Variants in KCMF1 observed in about 807,000 individuals in gnomAD.
KCMF1 encodes potassium channel modulatory factor 1.
KCMF1 carries 3 observed loss-of-function variants against 41.1 expected under a neutral mutation model. That is an observed-to-expected ratio of 0.07 (90% CI 0.03 to 0.19). The LOEUF is 0.19. Among genes scored for constraint, KCMF1 ranks in the 10% least tolerant of loss-of-function variants. The pLI is 1.00. For synonymous variants in KCMF1, 142 were observed against 164.5 expected (o/e 0.86, Z 1.04); for missense variants, 286 against 488.9 (o/e 0.58, Z 3.91).
intron 1 of KCMF1, among the ~76,000 whole-genome samples, chr2:84,993,741 A>AT (rs1674104014): frequency 6.6e-6 from 1 of 150,384 alleles, no homozygotes; most frequent in Non-Finnish European, 1.5e-5. Flanking sequence ...GTGCCTGGCT[A>AT]TTTTTTGTAT....
At chr2:85,018,106 A>G (rs1229549770) in intron 1 of KCMF1, among the ~76,000 whole-genome samples, 1 of 152,142 alleles carries the variant, frequency 6.6e-6, no homozygotes, top group African/African-American at 2.4e-5. Context: ...AAAGGGGTTA[A>G]ACTGTATGTC....
intron 1 of KCMF1, among the ~76,000 whole-genome samples, chr2:85,006,585 C>T (rs1674478329): frequency 6.6e-6 from 1 of 151,662 alleles, no homozygotes. Flanking sequence ...AGGCGTGAGC[C>T]ACCGCGCCCG....
At chr2:84,974,691 ATTTTTTTTTTTTTTT>A (rs869056943) in intron 1 of KCMF1, among the ~76,000 whole-genome samples, 1 of 14,688 alleles carries the variant, frequency 6.8e-5, no homozygotes, top group African/African-American at 2.3e-4. Flanking sequence ...ATATATATAT[ATTTTTTTTTTTTTTT>A]TTTTTTTTTT....
At chr2:85,020,819 G>C (rs1262724924) in intron 1 of KCMF1, among the ~76,000 whole-genome samples, 2 of 152,110 alleles carry the variant, frequency 1.3e-5, no homozygotes, top group African/African-American at 2.4e-5. Flanking sequence ...TGCCCACGCT[G>C]TCCTTCACTG....
intron 1 of KCMF1, among the ~76,000 whole-genome samples, chr2:84,993,765 A>G (rs1339566089): frequency 3.3e-5 from 5 of 151,394 alleles, no homozygotes; most frequent in African/African-American, 7.3e-5. Context: ...TAGTAGAGAC[A>G]GGGTTTCATC....
chr2:84,982,002 C>T (rs1205304504), intron 1 of KCMF1, among the ~76,000 whole-genome samples: 11 of 152,060 alleles, frequency 7.2e-5, no homozygotes, highest in South Asian at 4.1e-4. Context: ...AGGCTGGTCT[C>T]GAACCTCTGA....
At chr2:84,972,191 C>A (rs139883905) in intron 1 of KCMF1, 20 of 152,306 alleles carry the variant, frequency 1.3e-4, no homozygotes, top group African/African-American at 4.6e-4. Context: ...GCCCTGGTGC[C>A]CTCGCCGGCA....
At chr2:85,006,331 C>T (rs1326370718) in intron 1 of KCMF1, among the ~76,000 whole-genome samples, 3 of 123,390 alleles carry the variant, frequency 2.4e-5, no homozygotes, top group Admixed American at 1.0e-4. Flanking sequence ...GATGGAGTCT[C>T]GCACTCTCAC....
At chr2:85,026,136 G>A (rs530992123) in intron 1 of KCMF1, among the ~76,000 whole-genome samples, 58 of 151,886 alleles carry the variant, frequency 3.8e-4, no homozygotes, top group African/African-American at 1.0e-3. Flanking sequence ...GATTACAGGC[G>A]CCCACCACCA....
chr2:84,975,254 T>C (rs1574000240), intron 1 of KCMF1, among the ~76,000 whole-genome samples: 1 of 149,400 alleles, frequency 6.7e-6, no homozygotes, highest in Non-Finnish European at 1.5e-5. Context: ...AAAAAAAAAG[T>C]GGTGGTTGGA....
chr2:84,998,916 AC>A (rs1558569485), intron 1 of KCMF1, among the ~76,000 whole-genome samples: 1 of 102,248 alleles, frequency 9.8e-6, no homozygotes, highest in East Asian at 5.4e-4. Flanking sequence ...TGGGCCTCTT[AC>A]CTATCTATCT....
intron 4 of KCMF1, among the ~76,000 whole-genome samples, chr2:85,044,539 C>T (rs1675616640): frequency 6.6e-6 from 1 of 152,106 alleles, no homozygotes. Flanking sequence ...CCACACCCAG[C>T]TAATTTTTGT....
chr2:84,990,041 A>G (rs933866704), intron 1 of KCMF1, among the ~76,000 whole-genome samples: 33 of 152,226 alleles, frequency 2.2e-4, no homozygotes, highest in African/African-American at 7.7e-4. Flanking sequence ...ACTTAAGAAG[A>G]TGATTTTCCT....
At chr2:84,987,654 A>G (rs1028543794) in intron 1 of KCMF1, among the ~76,000 whole-genome samples, 1 of 152,136 alleles carries the variant, frequency 6.6e-6, no homozygotes, top group East Asian at 1.9e-4. Context: ...GGGAAATACT[A>G]CTCTGGGGTT....
chr2:84,984,210 A>G (rs113239150), intron 1 of KCMF1, among the ~76,000 whole-genome samples: 7 of 152,032 alleles, frequency 4.6e-5, no homozygotes, highest in African/African-American at 1.7e-4. Flanking sequence ...TCACAAAATA[A>G]GTAAATAAAT....
At chr2:85,033,418 G>A (rs1675329648) in intron 2 of KCMF1, among the ~76,000 whole-genome samples, 1 of 152,116 alleles carries the variant, frequency 6.6e-6, no homozygotes, top group African/African-American at 2.4e-5. Flanking sequence ...ATTTCTAAAG[G>A]AAAGGGGTCT....
At chr2:85,048,151 A>G (rs1675718035) in intron 5 of KCMF1, among the ~76,000 whole-genome samples, 1 of 152,218 alleles carries the variant, frequency 6.6e-6, no homozygotes, top group Admixed American at 6.5e-5. Flanking sequence ...TTTTATACCT[A>G]TCATGTTATT....
At chr2:85,008,291 T>TATATATAATATATAATATATATATC (rs1278421092) in intron 1 of KCMF1, among the ~76,000 whole-genome samples, 1 of 14,624 alleles carries the variant, frequency 6.8e-5, no homozygotes, top group Admixed American at 1.1e-3. Flanking sequence ...TGATATATAA[T>TATATATAATATATAATATATATATC]ATATATAATA....
At chr2:85,029,963 A>G (rs917273472) in intron 2 of KCMF1, among the ~76,000 whole-genome samples, 4 of 151,992 alleles carry the variant, frequency 2.6e-5, no homozygotes, top group Admixed American at 2.0e-4. Flanking sequence ...GATTACAGAC[A>G]TGAGCCACCA....
Sources: gnomAD v4.1 joint callset for allele counts (sites outside exome capture counted in the v4.1 genomes callset) on GRCh38, gnomAD v4.1.1 for gene constraint, MANE v1.5 for transcripts, NCBI Gene and HGNC (gene_info 2026-07-23, HGNC 2026-07-21) for gene names.